KLHL18: variants seen among roughly 807,000 people sequenced by gnomAD.
The protein encoded by KLHL18 is kelch like family member 18.
KLHL18 carries 38 observed loss-of-function variants against 58.5 expected under a neutral mutation model. The ratio of observed to expected loss-of-function variants is 0.65; its 90% CI spans 0.50 to 0.85. The LOEUF is 0.85. Ranked by LOEUF, KLHL18 falls within the 40% of genes least tolerant of loss-of-function variation. The probability of loss-of-function intolerance (pLI) is 0.00; values close to 1 mark genes in which losing one functional copy is unlikely to be tolerated. For missense variants in KLHL18, 624 were observed against 778.4 expected (o/e 0.80, Z 2.36); for synonymous variants, 303 against 301.9 (o/e 1.00, Z -0.04).
At chr3:47,323,264 A>AT (rs1309299612) in intron 3 of KLHL18, among the ~76,000 whole-genome samples, 7 of 151,122 alleles carry the variant, frequency 4.6e-5, no homozygotes, top group Non-Finnish European at 1.0e-4. Flanking sequence ...AATTTTTGTA[A>AT]TTTTTTTGGT....
At chr3:47,329,154 A>AT (rs1703792983) in intron 3 of KLHL18, among the ~76,000 whole-genome samples, 1 of 11,474 alleles carries the variant, frequency 8.7e-5, no homozygotes, top group Non-Finnish European at 3.3e-3. Context: ...GGAAAAAAAA[A>AT]GACAAGTATA....
Position 47,336,734 on chromosome 3 carries a change from G to C in KLHL18, c.1098G>C (p.Val366=), listed in dbSNP as rs1703996109. Residue 366 remains valine (V), a synonymous_variant, in exon 7 of 10, where the codon GTG becomes GTC. Coordinates refer to ENST00000232766, the MANE Select transcript of KLHL18 (RefSeq NM_025010.5). ...YNPETDTWTR[V]GSMNSKRSAM... ...CGGAGACAGACACATGGACCAGAGT[G>C]GGGAGCATGAATAGCAAGAGAAGGT... The C allele has an allele frequency of 1.9e-6, 3 of 1,614,130 alleles. No individual in the cohort carries two copies. The highest frequency in any genetic ancestry group is 2.5e-6 in the Non-Finnish European group (3 of 1,179,952).
chr3:47,337,055 G>A (rs578054263), intron 7 of KLHL18: 37 of 309,230 alleles, frequency 1.2e-4, no homozygotes, highest in African/African-American at 7.6e-4. Context: ...ATTCGAAGAG[G>A]GAGAGAAACT....
In KLHL18 at chr3:47,334,589, C is replaced by A; in HGVS notation, c.762-94C>A. The A allele has an allele frequency of 6.9e-7, 1 of 1,455,536 alleles. No individual in the cohort carries two copies. Among genetic ancestry groups the A allele is most frequent in the Admixed American group, 1.8e-5 (1 of 55,764 alleles). The allele number at this position is 1,455,536 out of a possible 1,614,324, so 90.2% of individuals were successfully genotyped here. ...GAAGGCTTCTCCTCCCAGGTTTCCC[C>A]TGCAGTTGGCAGTGGAGAGCCAGGC... On this transcript the variant is annotated intron_variant, in intron 5 of 9. Transcript: ENST00000232766. The surrounding 1 kb of genome is among the most constrained non-coding windows in gnomAD (Gnocchi z 4.7).
intron 1 of KLHL18, among the ~76,000 whole-genome samples, chr3:47,297,379 T>A (rs188969595): frequency 5.3e-5 from 8 of 152,192 alleles, no homozygotes. Flanking sequence ...CCATCAGCAT[T>A]GAAGGTGAAA....
intron 1 of KLHL18, among the ~76,000 whole-genome samples, chr3:47,310,340 ATCTTCC>A (rs1200241947): frequency 2.6e-5 from 4 of 152,250 alleles, no homozygotes; most frequent in Admixed American, 2.0e-4. Flanking sequence ...ACCTCCAGAC[ATCTTCC>A]TGCTTCTCTT....
At chr3:47,305,227 G>A (rs55771110) in intron 1 of KLHL18, among the ~76,000 whole-genome samples, 19,363 of 151,454 alleles carry the variant, frequency 0.13, 1,634 homozygotes, top group East Asian at 0.24. Context: ...TGTTTTACTA[G>A]AATACTAGAA....
rs535106758 is a variant in KLHL18 at position 47,344,388 on chromosome 3, G to A, written c.*447G>A. ...TGGAAACTGGGATGTAGCTGGGGAC[G>A]AAAGGACAGACCCAAGCGTTCTCCC... On this transcript the variant is annotated 3_prime_UTR_variant, in exon 10 of 10. Coordinates refer to ENST00000232766, the MANE Select transcript of KLHL18 (RefSeq NM_025010.5). 1.4e-5 allele frequency: 3 copies of A among 215,410 alleles called. No individual in the cohort carries two copies. The highest frequency in any genetic ancestry group is 2.4e-5 in the African/African-American group (1 of 42,260). The allele number at this position is 215,410 out of a possible 1,614,324, so 13.3% of individuals were successfully genotyped here. A position where few individuals can be genotyped will look rare whatever the true frequency, so the allele number is the denominator to read the frequency against.
At position 47,283,070 on chromosome 3, in the gene KLHL18, C is replaced by G. The variant is rs775902346; in HGVS notation, c.105C>G (p.Gly35=). ...YGVMEEIRRQ[G]KLCDVTLKIG... Reference sequence around the variant, plus strand: ...TCATGGAGGAGATCCGGCGGCAGGGCAAGCTGTGCGACGTGACCCTCAAGG... The same window carrying G: ...TCATGGAGGAGATCCGGCGGCAGGGGAAGCTGTGCGACGTGACCCTCAAGG... The change falls in exon 1 of 10, where the codon GGC becomes GGG. Residue 35 remains glycine, a synonymous_variant. Coordinates refer to ENST00000232766, the MANE Select transcript of KLHL18 (RefSeq NM_025010.5). 5.0e-6 allele frequency: 8 copies of G among 1,588,642 alleles called. 1 individual carries two copies. In the South Asian group the frequency reaches 9.1e-5, roughly 18 times the overall value.
At position 47,307,914 on chromosome 3, in the gene KLHL18, G is replaced by T. The variant is rs566745960; in HGVS notation, c.130-11739G>T. Among the ~76,000 whole-genome samples the T allele has an allele frequency of 2.0e-5, 3 of 152,260 alleles. No individual in the cohort carries two copies. The South Asian group carries it at 6.2e-4, about 32-fold the overall frequency. On this transcript the variant is annotated intron_variant, in intron 1 of 9. Transcript: ENST00000232766. The stretch of plus-strand genomic sequence containing the variant: ...CTGTTCATTTGGTCGGTTTGTTTCA[G>T]TACCACAATTTCCTAATTTCTATTG...
At chr3:47,316,034 A>C (rs1004243612) in intron 1 of KLHL18, among the ~76,000 whole-genome samples, 16 of 152,200 alleles carry the variant, frequency 1.1e-4, no homozygotes, top group African/African-American at 3.9e-4. Context: ...GAAGAACAAT[A>C]AGAAAATTAG....
At chr3:47,333,115 G>C (rs1703901856) in intron 4 of KLHL18, 42 bp from the exon 5 acceptor site, 3 of 1,595,686 alleles carry the variant, frequency 1.9e-6, no homozygotes, top group Admixed American at 1.7e-5. Flanking sequence ...TGTGGCCTCT[G>C]GGTGGGAGGA....
chr3:47,305,941 C>T (rs1353558930), intron 1 of KLHL18, among the ~76,000 whole-genome samples: 1 of 152,098 alleles, frequency 6.6e-6, no homozygotes, highest in Non-Finnish European at 1.5e-5. Flanking sequence ...GTATTATCGA[C>T]TGTTTCATTC....
intron 3 of KLHL18, among the ~76,000 whole-genome samples, chr3:47,323,315 C>T (rs1703632476): frequency 6.6e-6 from 1 of 152,298 alleles, no homozygotes; most frequent in African/African-American, 2.4e-5. Context: ...TGGTCTCAAA[C>T]TCTGCCCACC....
chr3:47,299,774 C>A (rs1702972546), intron 1 of KLHL18, among the ~76,000 whole-genome samples: 1 of 133,068 alleles, frequency 7.5e-6, no homozygotes, highest in Non-Finnish European at 1.5e-5. Flanking sequence ...GTGCAGTGAG[C>A]CGTGATTGCA....
At chr3:47,320,498 C>T (rs1440252078) in intron 2 of KLHL18, among the ~76,000 whole-genome samples, 1 of 152,108 alleles carries the variant, frequency 6.6e-6, no homozygotes, top group African/African-American at 2.4e-5. Context: ...TCAGTTATTG[C>T]CCAACCTCTT....
At chr3:47,303,512 GA>G (rs1023387856) in intron 1 of KLHL18, among the ~76,000 whole-genome samples, 1 of 152,188 alleles carries the variant, frequency 6.6e-6, no homozygotes, top group African/African-American at 2.4e-5. Flanking sequence ...AACCAATCCA[GA>G]AAAAGTTTTC....
At chr3:47,331,391 G>T (rs1703855798) in intron 4 of KLHL18, among the ~76,000 whole-genome samples, 1 of 147,708 alleles carries the variant, frequency 6.8e-6, no homozygotes, top group Non-Finnish European at 1.5e-5. Context: ...CTCCCAAAGT[G>T]CTGGGATTAT....
In KLHL18 at chr3:47,336,576, A is replaced by G; in HGVS notation, c.940A>G (p.Asn314Asp). ...NVVEVFDPIA[N>D]CWERCRPMTT... Reference sequence around the variant, plus strand: ...GGTGGAAGTGTTCGACCCCATTGCCAATTGCTGGGAGAGATGCCGTCCCAT... The same window carrying G: ...GGTGGAAGTGTTCGACCCCATTGCCGATTGCTGGGAGAGATGCCGTCCCAT... The change falls in exon 7 of 10, where the codon AAT becomes GAT. Residue 314 changes from asparagine (N) to aspartate (D), a missense_variant. By Grantham distance (23) the Asn-to-Asp change is conservative. Coordinates refer to ENST00000232766, the MANE Select transcript of KLHL18 (RefSeq NM_025010.5). 1.2e-6 allele frequency: 2 copies of G among 1,614,234 alleles called. No individual in the cohort carries two copies. The highest frequency in any genetic ancestry group is 2.2e-5 in the East Asian group (1 of 44,888).
Sources: gnomAD v4.1 joint callset for allele counts (sites outside exome capture counted in the v4.1 genomes callset) on GRCh38, gnomAD v4.1.1 for gene constraint, Gnocchi (gnomAD v3.1) non-coding constraint, MANE v1.5 for transcripts, NCBI Gene and HGNC (gene_info 2026-07-23, HGNC 2026-07-21) for gene names.